Variants in GALNT17 observed in about 807,000 individuals in gnomAD.
The protein encoded by GALNT17 is polypeptide N-acetylgalactosaminyltransferase 17, also known as UDP-GalNAc:polypeptide N-acetylgalactosaminyltransferase-like 3.
GALNT17 carries 29 observed loss-of-function variants against 63.7 expected under a neutral mutation model. That is an observed-to-expected ratio of 0.46 (90% CI 0.34 to 0.62). The LOEUF (loss-of-function observed/expected upper bound fraction) is 0.62, where lower values mean the gene tolerates loss of function less well. Ranked by LOEUF, GALNT17 falls within the 20% of genes least tolerant of loss-of-function variation. GALNT17 has a pLI of 0.01. For missense variants in GALNT17, 603 were observed against 799.6 expected (o/e 0.75, Z 2.97); for synonymous variants, 305 against 318.3 (o/e 0.96, Z 0.45).
intron 1 of GALNT17, among the ~76,000 whole-genome samples, chr7:71,150,281 C>A (rs1788105825): frequency 6.6e-6 from 1 of 152,046 alleles, no homozygotes; most frequent in Non-Finnish European, 1.5e-5. Flanking sequence ...CATAGAACTA[C>A]CGTGGTCTCT....
At chr7:71,350,058 C>G (rs757814175) in intron 2 of GALNT17, among the ~76,000 whole-genome samples, 30 of 152,108 alleles carry the variant, frequency 2.0e-4, no homozygotes, top group Non-Finnish European at 3.7e-4. Flanking sequence ...TTCTGCCTCA[C>G]AGAGTCTGGT....
At position 71,144,142 on chromosome 7, in the gene GALNT17, C is replaced by T. The variant is rs571887455; in HGVS notation, c.238+11102C>T. Reference sequence around the variant, plus strand: ...CTCTCAGGCTCCCACTTCTCTTACACCTTGTTGAGGTCCAGCCCCCAACCC... The same window carrying T: ...CTCTCAGGCTCCCACTTCTCTTACATCTTGTTGAGGTCCAGCCCCCAACCC... On this transcript the variant is annotated intron_variant, in intron 1 of 10. Transcript: ENST00000333538. 2.6e-5 allele frequency among the ~76,000 whole-genome samples: 4 copies of T among 152,264 alleles called. No homozygotes were observed. The South Asian group carries it at 8.3e-4, about 32-fold the overall frequency.
At chr7:71,640,793 C>G (rs1790592172) in intron 6 of GALNT17, among the ~76,000 whole-genome samples, 1 of 151,746 alleles carries the variant, frequency 6.6e-6, no homozygotes. Flanking sequence ...AGGAGGATCA[C>G]TTGACCCCAG....
chr7:71,697,348 G>T (rs377484650), intron 9 of GALNT17, among the ~76,000 whole-genome samples: 40 of 152,136 alleles, frequency 2.6e-4, no homozygotes, highest in South Asian at 1.5e-3. Context: ...AAGAATATTC[G>T]GGTCTCAGAA....
At chr7:71,376,565 ATG>A (rs143746663) in intron 2 of GALNT17, among the ~76,000 whole-genome samples, 1 of 148,280 alleles carries the variant, frequency 6.7e-6, no homozygotes, top group African/African-American at 2.5e-5. Flanking sequence ...GTGTGTGTGT[ATG>A]TGTGTGTGTG....
intron 1 of GALNT17, among the ~76,000 whole-genome samples, chr7:71,177,838 G>T (rs1449098832): frequency 6.6e-6 from 1 of 152,106 alleles, no homozygotes; most frequent in Non-Finnish European, 1.5e-5. Flanking sequence ...CAAGAAACTG[G>T]AGTATAGCTA....
chr7:71,544,803 TG>T (rs1299317790), intron 5 of GALNT17, among the ~76,000 whole-genome samples: 1 of 151,948 alleles, frequency 6.6e-6, no homozygotes, highest in African/African-American at 2.4e-5. Context: ...TCATCATGGA[TG>T]AGCTGTATCA....
intron 1 of GALNT17, among the ~76,000 whole-genome samples, chr7:71,167,357 C>A (rs184103513): frequency 6.6e-6 from 1 of 152,036 alleles, no homozygotes; most frequent in African/African-American, 2.4e-5. Flanking sequence ...TGATGTTGAT[C>A]GTATTTTTAT....
intron 6 of GALNT17, among the ~76,000 whole-genome samples, chr7:71,622,774 A>G (rs1274134102): frequency 6.6e-6 from 1 of 152,162 alleles, no homozygotes; most frequent in South Asian, 2.1e-4. Flanking sequence ...CCATAAATAC[A>G]GATTCTCCCA....
chr7:71,577,903 T>TTG (rs1554311545), intron 6 of GALNT17, among the ~76,000 whole-genome samples: 1 of 151,976 alleles, frequency 6.6e-6, no homozygotes, highest in Non-Finnish European at 1.5e-5. Context: ...ACTGAAGACC[T>TTG]GGGGGGTGGT....
chr7:71,427,675 A>T (rs1295751882), intron 5 of GALNT17, among the ~76,000 whole-genome samples: 1 of 152,050 alleles, frequency 6.6e-6, no homozygotes, highest in Non-Finnish European at 1.5e-5. Context: ...GTTGCGGACC[A>T]GGGCTGGTCC....
rs2906268 is a variant in GALNT17 at position 71,416,296 on chromosome 7, C to T, written c.764+233C>T. Among the ~76,000 whole-genome samples the T allele has an allele frequency of 8.7e-3, 1,324 of 152,242 alleles. 17 individuals carry two copies. The highest frequency in any genetic ancestry group is 0.031 in the African/African-American group (1,271 of 41,546). On this transcript the variant is annotated intron_variant, in intron 4 of 10. Transcript: ENST00000333538. ...TCATTGGCATCATCGTCATCATCAT[C>T]GTCATCAAAATCCCCAGTGAAAATG...
At chr7:71,677,437 G>A in intron 9 of GALNT17, 131 bp downstream of exon 9, 3 of 830,634 alleles carry the variant, frequency 3.6e-6, no homozygotes, top group Non-Finnish European at 5.6e-6. Context: ...AAATTTTTAA[G>A]AAGAAGGTAG....
At chr7:71,538,595 T>A (rs1382611056) in intron 5 of GALNT17, among the ~76,000 whole-genome samples, 1 of 152,168 alleles carries the variant, frequency 6.6e-6, no homozygotes, top group South Asian at 2.1e-4. Flanking sequence ...CTTGAAGTGA[T>A]GAAATAAAAT....
At chr7:71,155,801 A>G (rs1293557548) in intron 1 of GALNT17, among the ~76,000 whole-genome samples, 2 of 151,762 alleles carry the variant, frequency 1.3e-5, no homozygotes, top group African/African-American at 4.9e-5. Context: ...CTTTTATTCT[A>G]ATTAAGTAGA....
At chr7:71,406,264 G>T (rs529869202) in intron 3 of GALNT17, among the ~76,000 whole-genome samples, 1 of 152,322 alleles carries the variant, frequency 6.6e-6, no homozygotes, top group Admixed American at 6.5e-5. Flanking sequence ...TCTGGCATTG[G>T]TGGAATCTGC....
Position 71,335,564 on chromosome 7 carries a change from C to T in GALNT17, c.253C>T (p.Leu85Phe), listed in dbSNP as rs1260478232. 1 of 1,599,600 alleles carries T rather than the reference C, an allele frequency of 6.3e-7. No individual in the cohort carries two copies. The highest frequency in any genetic ancestry group is 2.3e-5 in the East Asian group (1 of 44,364). The change falls in exon 2 of 11, where the codon CTT becomes TTT. Residue 85 changes from leucine to phenylalanine, a missense_variant. Leu to Phe is a conservative substitution (Grantham distance 22). Transcript: ENST00000333538. ...ACTTTTTCTAGGCTTATCCAAATCC[C>T]TTGGGCTCATTGAAGGTTATGGTGG... ...YRQLNGLSKS[L>F]GLIEGYGGRG... is the part of the protein sequence containing the mutation.
chr7:71,521,666 C>T (rs1252308841), intron 5 of GALNT17, among the ~76,000 whole-genome samples: 2 of 152,312 alleles, frequency 1.3e-5, no homozygotes, highest in East Asian at 1.9e-4. Context: ...CACGCCCAGG[C>T]CCTGAGCCCA....
intron 8 of GALNT17, among the ~76,000 whole-genome samples, chr7:71,671,532 A>G (rs1219540508): frequency 2.0e-5 from 3 of 152,174 alleles, no homozygotes; most frequent in Admixed American, 6.5e-5. Flanking sequence ...CACATCTTGC[A>G]AGGGCAGTCT....
Sources: gnomAD v4.1 joint callset for allele counts (sites outside exome capture counted in the v4.1 genomes callset) on GRCh38, gnomAD v4.1.1 for gene constraint, MANE v1.5 for transcripts, NCBI Gene and HGNC (gene_info 2026-07-23, HGNC 2026-07-21) for gene names.